Variants in NAALADL2 observed in about 807,000 individuals in gnomAD.
The protein encoded by NAALADL2 is inactive N-acetylated-alpha-linked acidic dipeptidase-like protein 2.
In NAALADL2, 76 loss-of-function variants were observed where a neutral mutation model predicts 87.2. The ratio of observed to expected loss-of-function variants is 0.87; its 90% CI spans 0.72 to 1.05. The LOEUF (loss-of-function observed/expected upper bound fraction) is 1.05. NAALADL2 is among the 50% of genes least tolerant of loss of function. The probability of loss-of-function intolerance (pLI) is 0.00; values close to 1 mark genes in which losing one functional copy is unlikely to be tolerated. For missense variants in NAALADL2, 1,089 were observed against 945.8 expected, an observed-to-expected ratio of 1.15 and a Z score of -1.99; for synonymous variants, 354 against 331.0, an observed-to-expected ratio of 1.07 and a Z score of -0.75.
At chr3:175,598,333 A>G (rs1722511476) in intron 10 of NAALADL2, among the ~76,000 whole-genome samples, 1 of 150,056 alleles carries the variant, frequency 6.7e-6, no homozygotes, top group African/African-American at 2.5e-5. Context: ...AGTTGGGTCT[A>G]AAAAAATAGC....
At chr3:174,724,737 A>G (rs1373966384) in intron 2 of NAALADL2, among the ~76,000 whole-genome samples, 3 of 152,200 alleles carry the variant, frequency 2.0e-5, no homozygotes, top group Admixed American at 6.5e-5. Flanking sequence ...AATAATTACC[A>G]CAGCATCTAT....
intron 9 of NAALADL2, among the ~76,000 whole-genome samples, chr3:175,558,434 G>A (rs925395766): frequency 7.2e-5 from 11 of 152,112 alleles, no homozygotes; most frequent in Non-Finnish European, 1.5e-4. Flanking sequence ...AACTTGATGT[G>A]ATCTCATTTG....
At chr3:175,215,668 G>A (rs1236981032) in intron 2 of NAALADL2, among the ~76,000 whole-genome samples, 1 of 152,132 alleles carries the variant, frequency 6.6e-6, no homozygotes, top group Non-Finnish European at 1.5e-5. Flanking sequence ...AAGATTACCT[G>A]CTCACTCCTG....
chr3:174,665,782 G>A (rs987104194), intron 2 of NAALADL2, among the ~76,000 whole-genome samples: 1 of 152,198 alleles, frequency 6.6e-6, no homozygotes, highest in African/African-American at 2.4e-5. Flanking sequence ...GTTGTTGGCA[G>A]GGTTGGTTCC....
chr3:175,038,157 T>A (rs1309900672), intron 1 of NAALADL2, among the ~76,000 whole-genome samples: 1 of 151,986 alleles, frequency 6.6e-6, no homozygotes. Context: ...AAATAGAAAA[T>A]GAAGTGGAAG....
At chr3:175,279,264 T>A (rs1753975761) in intron 4 of NAALADL2, among the ~76,000 whole-genome samples, 1 of 152,178 alleles carries the variant, frequency 6.6e-6, no homozygotes, top group Non-Finnish European at 1.5e-5. Flanking sequence ...AAGACATTTA[T>A]CCTTATCGTT....
intron 2 of NAALADL2, among the ~76,000 whole-genome samples, chr3:175,161,099 G>T (rs889817253): frequency 1.3e-5 from 2 of 151,946 alleles, no homozygotes; most frequent in Non-Finnish European, 2.9e-5. Context: ...AAAGATAACC[G>T]TAAATGATTA....
chr3:175,619,405 A>T (rs1725882625), intron 10 of NAALADL2, among the ~76,000 whole-genome samples: 1 of 151,996 alleles, frequency 6.6e-6, no homozygotes, highest in Admixed American at 6.6e-5. Flanking sequence ...GGAAAAAAAA[A>T]TAATCCATTG....
rs1257529222 is a variant in NAALADL2 at position 174,447,708 on chromosome 3, G to A, written c.-184+6676G>A. On this transcript the variant is annotated intron_variant, in intron 1 of 3. Transcript: ENST00000434257. The stretch of plus-strand genomic sequence containing the variant: ...TGGGTGCCTGTAGTCCCAGCTACTC[G>A]GGAGGCTGAGGCAGGAGAATGGCGT... 2.6e-5 allele frequency among the ~76,000 whole-genome samples: 4 copies of A among 152,022 alleles called. No homozygotes were observed. The East Asian group carries it at 5.8e-4, about 22-fold the overall frequency.
At chr3:174,616,636 C>T (rs1720485683) in intron 2 of NAALADL2, among the ~76,000 whole-genome samples, 3 of 151,758 alleles carry the variant, frequency 2.0e-5, no homozygotes, top group Non-Finnish European at 4.4e-5. Flanking sequence ...AATTCTGATG[C>T]CAGAATCACA....
chr3:175,540,736 C>T (rs914934668), intron 9 of NAALADL2, among the ~76,000 whole-genome samples: 3 of 151,956 alleles, frequency 2.0e-5, no homozygotes, highest in African/African-American at 7.3e-5. Context: ...ATCCAAAATA[C>T]TAGTGAAAGA....
intron 5 of NAALADL2, among the ~76,000 whole-genome samples, chr3:175,404,741 A>G (rs950727816): frequency 4.6e-5 from 7 of 152,138 alleles, no homozygotes; most frequent in Non-Finnish European, 7.4e-5. Context: ...TCTAAATGGA[A>G]TTTCATTAAA....
chr3:175,646,813 C>T (rs2149776842), intron 11 of NAALADL2, among the ~76,000 whole-genome samples: 1 of 152,062 alleles, frequency 6.6e-6, no homozygotes, highest in East Asian at 1.9e-4. Flanking sequence ...ATATAGTTTC[C>T]CCTTGTTTTC....
chr3:175,487,275 C>T (rs1409262902), intron 9 of NAALADL2, among the ~76,000 whole-genome samples: 1 of 152,164 alleles, frequency 6.6e-6, no homozygotes, highest in Non-Finnish European at 1.5e-5. Flanking sequence ...CCTGTACTAT[C>T]ATAGCACGTA....
intron 12 of NAALADL2, among the ~76,000 whole-genome samples, chr3:175,748,357 G>A (rs989059061): frequency 3.3e-5 from 5 of 152,120 alleles, no homozygotes; most frequent in African/African-American, 1.2e-4. Flanking sequence ...AATCATATTG[G>A]CAATTTCTTT....
chr3:175,439,740 CT>C (rs35790625), intron 5 of NAALADL2, among the ~76,000 whole-genome samples: 1 of 137,642 alleles, frequency 7.3e-6, no homozygotes, highest in Non-Finnish European at 1.5e-5. Flanking sequence ...TCTTTTTTTT[CT>C]TTTTTTGATG....
intron 5 of NAALADL2, among the ~76,000 whole-genome samples, chr3:175,370,032 A>C (rs1364241537): frequency 1.3e-5 from 2 of 152,164 alleles, no homozygotes; most frequent in Non-Finnish European, 2.9e-5. Flanking sequence ...TAATATTGTC[A>C]CATGTCATCT....
At chr3:174,613,877 A>G (rs947392975) in intron 2 of NAALADL2, among the ~76,000 whole-genome samples, 1 of 152,156 alleles carries the variant, frequency 6.6e-6, no homozygotes, top group African/African-American at 2.4e-5. Context: ...TCAGGGCTCA[A>G]GGGTTCTTTA....
At chr3:174,716,573 G>A (rs766229138) in intron 2 of NAALADL2, among the ~76,000 whole-genome samples, 2 of 151,672 alleles carry the variant, frequency 1.3e-5, no homozygotes, top group African/African-American at 2.4e-5. Flanking sequence ...CATTATAATA[G>A]TGGGGAATAC....
Sources: gnomAD v4.1 joint callset for allele counts (sites outside exome capture counted in the v4.1 genomes callset) on GRCh38, gnomAD v4.1.1 for gene constraint, MANE v1.5 for transcripts, NCBI Gene and HGNC (gene_info 2026-07-23, HGNC 2026-07-21) for gene names.